Variants in SLC25A45 observed in about 807,000 individuals in gnomAD.
SLC25A45 encodes the protein solute carrier family 25 member 45.
In SLC25A45, 22 loss-of-function variants were observed where a neutral mutation model predicts 23.0. The ratio of observed to expected loss-of-function variants is 0.95; its 90% CI spans 0.68 to 1.36. The LOEUF (loss-of-function observed/expected upper bound fraction) is 1.36, where lower values mean the gene tolerates loss of function less well. Among genes scored for constraint, SLC25A45 ranks in the 40% most tolerant of loss-of-function variants. The pLI, the probability that SLC25A45 is intolerant of heterozygous loss-of-function variation, is 0.00. For synonymous variants in SLC25A45, 136 were observed against 155.0 expected, an observed-to-expected ratio of 0.88 and a Z score of 0.91; for missense variants, 355 against 383.5, an observed-to-expected ratio of 0.93 and a Z score of 0.62.
Position 65,376,634 on chromosome 11 carries a change from C to A in SLC25A45, c.640G>T (p.Ala214Ser). Reference protein sequence around the residue: ...VLVAGGFAGIASWVAATPLDM... With the variant: ...VLVAGGFAGISSWVAATPLDM... ...AAGGGCGTGGCTGCCACCCAGGAAGCAATGCCTGCAAAGCCCCCTGCCACC... is the reference window on the plus strand; with the variant it reads ...AAGGGCGTGGCTGCCACCCAGGAAGAAATGCCTGCAAAGCCCCCTGCCACC... The change falls in exon 7 of 7, where the codon GCT becomes TCT. Residue 214 changes from alanine to serine, a missense_variant. Coordinates refer to ENST00000398802, the MANE Select transcript of SLC25A45 (RefSeq NM_182556.4). 1 of 1,613,940 alleles carries A rather than the reference C, an allele frequency of 6.2e-7. No homozygotes were observed. Among genetic ancestry groups the A allele is most frequent in the Non-Finnish European group, 8.5e-7 (1 of 1,179,882 alleles).
chr11:65,376,830 C>CT lies in SLC25A45; in HGVS notation c.585dup (p.Gly196ArgfsTer162). 1.9e-6 allele frequency: 3 copies of CT among 1,614,224 alleles called. No homozygotes were observed. Among genetic ancestry groups the CT allele is most frequent in the Non-Finnish European group, 2.5e-6 (3 of 1,180,036 alleles). On this transcript the variant is annotated frameshift_variant, in exon 6 of 7. Coordinates refer to ENST00000398802, the MANE Select transcript of SLC25A45 (RefSeq NM_182556.4). LOFTEE classifies it high-confidence loss of function. ...CCACTTTACTTACTGGGATTCTGGC[C>CT]TTCTGGTGTGTACTGGCGACAGAGC...
At chr11:65,379,714 T>G in intron 4 of SLC25A45, 153 bp from the exon 5 acceptor site, 2 of 1,255,326 alleles carry the variant, frequency 1.6e-6, no homozygotes, top group Non-Finnish European at 2.2e-6. Flanking sequence ...GCTGCGCCTC[T>G]GGGGTGCTAA....
rs775001800 is a variant in SLC25A45 at position 65,379,955 on chromosome 11, A to G, written c.82-17T>C. The stretch of plus-strand genomic sequence containing the variant: ...CAGCCTCACCTGGGTGGGAGGACAG[A>G]GCAGGTAGGGTGGCGGGATGGGCAG... On this transcript the variant is annotated splice_polypyrimidine_tract_variant and intron_variant, in intron 3 of 6. Transcript: ENST00000398802. The G allele has an allele frequency of 6.2e-7, 1 of 1,614,146 alleles. No homozygotes were observed. The highest frequency in any genetic ancestry group is 8.5e-7 in the Non-Finnish European group (1 of 1,179,974).
chr11:65,377,096 A>C lies in SLC25A45; in HGVS notation c.340-20T>G. 6.2e-7 allele frequency: 1 copy of C among 1,607,658 alleles called. No homozygotes were observed. The highest frequency in any genetic ancestry group is 8.5e-7 in the Non-Finnish European group (1 of 1,176,806). On this transcript the variant is annotated intron_variant, in intron 5 of 6. Transcript: ENST00000398802. ...GTAGGCCTGTTGGTGATGAAACATG[A>C]GGGCCCCGGGTGGGGCTTTGGGCTG...
Position 65,377,013 on chromosome 11 carries a change from C to T in SLC25A45, c.403G>A (p.Ala135Thr), listed in dbSNP as rs375786817. The change falls in exon 6 of 7, where the codon GCC (alanine) becomes ACC (threonine). Residue 135 changes from alanine (A) to threonine (T), a missense_variant. Transcript: ENST00000398802. ...CGGGGTGGGGGGCTCCCTGGCTGGG[C>T]CCTTGGCTCTGTCTGGTTTTGTAGC... Reference protein sequence around the residue: ...VRLQNQTEPRAQPGSPPPRYQ... With the variant: ...VRLQNQTEPRTQPGSPPPRYQ... 188 of 1,613,912 alleles carry T rather than the reference C, an allele frequency of 1.2e-4. No individual in the cohort carries two copies. The highest frequency in any genetic ancestry group is 6.6e-4 in the Middle Eastern group (4 of 6,058).
In SLC25A45 at chr11:65,380,250, AG is replaced by A; in HGVS notation, c.38-76del. The A allele has an allele frequency of 2.5e-6, 4 of 1,608,282 alleles. No individual in the cohort carries two copies. The Admixed American group carries it at 5.0e-5, about 20-fold the overall frequency. On this transcript the variant is annotated intron_variant, in intron 2 of 6. Transcript: ENST00000398802. Reference sequence around the variant, plus strand: ...GGAAGCAAGTCTGTGCCAAGAGGAAAGAGGGGTTCAGGCAGGAGGAAGGAGA... The same window carrying A: ...GGAAGCAAGTCTGTGCCAAGAGGAAAAGGGGTTCAGGCAGGAGGAAGGAGA...
chr11:65,377,405 A>C, intron 5 of SLC25A45: 2 of 1,179,134 alleles, frequency 1.7e-6, no homozygotes, highest in Non-Finnish European at 2.1e-6. Flanking sequence ...GGCCTCCCTA[A>C]AGCCGGCAGT....
chr11:65,382,078 GC>G lies in SLC25A45; in HGVS notation c.-18-110del, dbSNP rs1855598458. On this transcript the variant is annotated intron_variant, in intron 1 of 6. Transcript: ENST00000398802. This position sits in a 1 kb window ranked among gnomAD's most constrained non-coding sequence, Gnocchi z 4.4. ...AACCCTGGCGGGAAGGTGAGAATTG[GC>G]CTGGTGCCCAGACCTCCGGCAACTG... 1 of 874,326 alleles carries G rather than the reference GC, an allele frequency of 1.1e-6. No homozygotes were observed. Among genetic ancestry groups the G allele is most frequent in the Non-Finnish European group, 1.9e-6 (1 of 528,656 alleles). The allele number at this position is 874,326 out of a possible 1,614,324, so 54.2% of individuals were successfully genotyped here.
At chr11:65,381,845 G>C in intron 2 of SLC25A45, 70 bp downstream of exon 2, 1 of 1,597,270 alleles carries the variant, frequency 6.3e-7, no homozygotes, top group Non-Finnish European at 8.6e-7. Context: ...CTCCTCCCAT[G>C]TCACCCATCT....
chr11:65,376,666 G>A lies in SLC25A45; in HGVS notation c.608C>T (p.Thr203Met), dbSNP rs374838427. 12 of 1,613,670 alleles carry A rather than the reference G, an allele frequency of 7.4e-6. No individual in the cohort carries two copies. Among genetic ancestry groups the A allele is most frequent in the African/African-American group, 2.7e-5 (2 of 74,906 alleles). Residue 203 changes from threonine to methionine, a missense_variant, in exon 7 of 7, where the codon ACG becomes ATG. Transcript: ENST00000398802. ...TGCAAAGCCCCCTGCCACCAGCACC[G>A]TGGCTGAGCCTGGGGCAGAGAGAGC... ...TPEGQNPSSA[T>M]VLVAGGFAGI...
chr11:65,377,289 A>G, intron 5 of SLC25A45: 1 of 1,406,964 alleles, frequency 7.1e-7, no homozygotes, highest in Non-Finnish European at 9.2e-7. Flanking sequence ...CATCAGGCCC[A>G]AGAGTGAGAG....
chr11:65,379,062 GCTCCCCACAGCTCT>G, intron 5 of SLC25A45: 1 of 366,510 alleles, frequency 2.7e-6, no homozygotes, highest in Non-Finnish European at 5.0e-6. Flanking sequence ...TGGGGAGTGG[GCTCCCCACAGCTCT>G]GAGGCTGGCA....
At chr11:65,380,078 G>T in intron 3 of SLC25A45, 54 bp downstream of exon 3, 1 of 1,593,912 alleles carries the variant, frequency 6.3e-7, no homozygotes, top group South Asian at 1.1e-5. Flanking sequence ...AGGGCACCCT[G>T]ACATTTGGGT....
chr11:65,378,520 G>A (rs965483336), intron 5 of SLC25A45: 2 of 152,082 alleles, frequency 1.3e-5, no homozygotes, highest in African/African-American at 2.4e-5. Flanking sequence ...GATGTGGCTC[G>A]CGGGGCTCAG....
At chr11:65,379,180 C>T in intron 5 of SLC25A45, 196 bp downstream of exon 5, 3 of 622,048 alleles carry the variant, frequency 4.8e-6, no homozygotes, top group Non-Finnish European at 8.3e-6. Context: ...CCAGCTGTCT[C>T]TGCCTTTTGC....
intron 5 of SLC25A45, chr11:65,378,997 G>T (rs922702758): frequency 9.1e-5 from 23 of 252,852 alleles, no homozygotes; most frequent in African/African-American, 5.1e-4. Context: ...GGCCAGAGGG[G>T]CTGGGCTCAC....
chr11:65,379,908 C>G lies in SLC25A45; in HGVS notation c.112G>C (p.Gly38Arg), dbSNP rs755186609. The change falls in exon 4 of 7, where the codon GGC (glycine) becomes CGC (arginine). Residue 38 changes from glycine (G) to arginine (R), a missense_variant. By Grantham distance (125) the Gly-to-Arg change is moderately radical. Transcript: ENST00000398802. ...VRLQTQTTYR[G>R]IVDCMVKIYR... Reference sequence around the variant, plus strand: ...ATCTTGACCATGCAATCAACGATGCCCCGGTAGGTGGTCTGGGTCTGCAGC... The same window carrying G: ...ATCTTGACCATGCAATCAACGATGCGCCGGTAGGTGGTCTGGGTCTGCAGC... The G allele has an allele frequency of 5.6e-6, 9 of 1,614,180 alleles. No homozygotes were observed. The South Asian group carries it at 9.9e-5, about 18-fold the overall frequency.
In SLC25A45 at chr11:65,382,078, G is replaced by C. The variant is rs1416206949; in HGVS notation, c.-18-109C>G. On this transcript the variant is annotated intron_variant, in intron 1 of 6. Coordinates refer to ENST00000398802, the MANE Select transcript of SLC25A45 (RefSeq NM_182556.4). This position sits in a 1 kb window ranked among gnomAD's most constrained non-coding sequence, Gnocchi z 4.4. ...AACCCTGGCGGGAAGGTGAGAATTG[G>C]CCTGGTGCCCAGACCTCCGGCAACT... 2 of 874,326 alleles carry C rather than the reference G, an allele frequency of 2.3e-6. No individual in the cohort carries two copies. The highest frequency in any genetic ancestry group is 2.5e-5 in the East Asian group (1 of 39,762). The allele number at this position is 874,326 out of a possible 1,614,324, so 54.2% of individuals were successfully genotyped here.
intron 4 of SLC25A45, 65 bp from the exon 5 acceptor site, chr11:65,379,626 C>G (rs990096132): frequency 1.3e-6 from 2 of 1,494,702 alleles, no homozygotes; most frequent in East Asian, 2.3e-5. Context: ...CTCTCCACCC[C>G]TGGCAAGGCA....
Sources: gnomAD v4.1 joint callset for allele counts on GRCh38, gnomAD v4.1.1 for gene constraint, Gnocchi (gnomAD v3.1) non-coding constraint, MANE v1.5 for transcripts, NCBI Gene and HGNC (gene_info 2026-07-23, HGNC 2026-07-21) for gene names.